Variants in KDM6B observed in about 807,000 individuals in gnomAD.
KDM6B encodes the protein lysine demethylase 6B.
KDM6B carries 22 observed loss-of-function variants against 150.4 expected under a neutral mutation model. The ratio of observed to expected loss-of-function variants is 0.15; its 90% CI spans 0.10 to 0.21. The LOEUF (loss-of-function observed/expected upper bound fraction) is 0.21. Ranked by LOEUF, KDM6B falls within the 10% of genes least tolerant of loss-of-function variation. KDM6B has a pLI of 1.00. For missense variants in KDM6B, 1,984 were observed against 2,234.3 expected, an observed-to-expected ratio of 0.89 and a Z score of 2.26; for synonymous variants, 1,148 against 921.1, an observed-to-expected ratio of 1.25 and a Z score of -4.46.
At position 7,848,926 on chromosome 17, in the gene KDM6B, C is replaced by G. The variant is rs373157695; in HGVS notation, c.2638C>G (p.Arg880Gly). The G allele has an allele frequency of 6.3e-4, 1,002 of 1,600,564 alleles. No homozygotes were observed. Among genetic ancestry groups the G allele is most frequent in the Non-Finnish European group, 7.6e-4 (894 of 1,172,312 alleles). The change falls in exon 12 of 24, where the codon CGG becomes GGG. Residue 880 changes from arginine (R) to glycine (G), a missense_variant. Physicochemically the swap from Arg to Gly is moderately radical, Grantham distance 125. Coordinates refer to ENST00000448097, the MANE Select transcript of KDM6B (RefSeq NM_001348716.2). ...QFSTSGGPWA[R>G]ERRAGEEPVP... ...CTCTACCTCAGGCGGGCCCTGGGCC[C>G]GGGAGCGCAGGGCGGGCGAAGAGCC...
rs574262742 is a variant in KDM6B at position 7,841,991 on chromosome 17, G to A, written c.-269+1967G>A. On this transcript the variant is annotated intron_variant, in intron 2 of 23. Coordinates refer to ENST00000448097, the MANE Select transcript of KDM6B (RefSeq NM_001348716.2). The stretch of plus-strand genomic sequence containing the variant: ...GGAGCGGGTTGCGACGAGGGTCCTG[G>A]ACCGCCCCACCTCGGCGCGCGCGCA... 4.0e-3 allele frequency among the ~76,000 whole-genome samples: 616 copies of A among 152,320 alleles called. 5 individuals carry two copies. The highest frequency in any genetic ancestry group is 0.039 in the South Asian group (190 of 4,830).
At position 7,844,194 on chromosome 17, in the gene KDM6B, G is replaced by A. The variant is rs1287092993; in HGVS notation, c.-268-707G>A. ...TGGGGAACCGCGTGGCCCCGGCGGGGAAGGGCAGAGAGGATACGCGAGCCA... is the reference window on the plus strand; with the variant it reads ...TGGGGAACCGCGTGGCCCCGGCGGGAAAGGGCAGAGAGGATACGCGAGCCA... On this transcript the variant is annotated intron_variant, in intron 2 of 23. Coordinates refer to ENST00000448097, the MANE Select transcript of KDM6B (RefSeq NM_001348716.2). The surrounding 1 kb of genome is among the most constrained non-coding windows in gnomAD (Gnocchi z 5.9). The A allele has an allele frequency of 1.3e-5, 2 of 152,144 alleles. No individual in the cohort carries two copies. Among genetic ancestry groups the A allele is most frequent in the African/African-American group, 4.8e-5 (2 of 41,450 alleles). The allele number at this position is 152,144 out of a possible 1,614,324, so 9.4% of individuals were successfully genotyped here. A position where few individuals can be genotyped will look rare whatever the true frequency, so the allele number is the denominator to read the frequency against.
rs1375778396 is a variant in KDM6B, at chr17:7,847,281, G to A, written c.1086G>A (p.Glu362=). The A allele has an allele frequency of 1.2e-6, 2 of 1,605,358 alleles. No homozygotes were observed. Among genetic ancestry groups the A allele is most frequent in the East Asian group, 4.5e-5 (2 of 44,846 alleles). ...ATRPPGSDLR[E]SRVQRSRMDS... ...GTCCCCCCGGAAGTGACCTTAGAGA[G>A]AGCAGAGTTCAGAGGTCGCGGATGG... The change falls in exon 11 of 24, where the codon GAG becomes GAA. Residue 362 remains glutamate (E), a synonymous_variant. Coordinates refer to ENST00000448097, the MANE Select transcript of KDM6B (RefSeq NM_001348716.2).
At position 7,843,689 on chromosome 17, in the gene KDM6B, G is replaced by A. The variant is rs1385811143; in HGVS notation, c.-268-1212G>A. ...TCGCTCCAGCTGGAGCGCTGGCCCCGCCCCCGCGGCTTTGTACTCGACACT... is the reference window on the plus strand; with the variant it reads ...TCGCTCCAGCTGGAGCGCTGGCCCCACCCCCGCGGCTTTGTACTCGACACT... On this transcript the variant is annotated intron_variant, in intron 2 of 23. Coordinates refer to ENST00000448097, the MANE Select transcript of KDM6B (RefSeq NM_001348716.2). This position sits in a 1 kb window ranked among gnomAD's most constrained non-coding sequence, Gnocchi z 4.5. Among the ~76,000 whole-genome samples the A allele has an allele frequency of 6.6e-6, 1 of 151,996 alleles. No homozygotes were observed.
At chr17:7,846,371 G>GGGGCGGGCCCGGGGCGCCCCC in intron 7 of KDM6B, 29 bp from the exon 8 acceptor site, 1 of 1,488,926 alleles carries the variant, frequency 6.7e-7, no homozygotes, top group Non-Finnish European at 9.2e-7. Context: ...CCTGACATCT[G>GGGGCGGGCCCGGGGCGCCCCC]CCCCTGCCCC....
intron 6 of KDM6B, 36 bp from the exon 7 acceptor site, chr17:7,846,042 A>AACC: frequency 3.8e-5 from 52 of 1,373,088 alleles, no homozygotes; most frequent in Non-Finnish European, 4.8e-5. Flanking sequence ...CTCAAGCCCA[A>AACC]CCCCCACCCA....
Position 7,849,876 on chromosome 17 carries a change from G to C in KDM6B, c.3496G>C (p.Val1166Leu), listed in dbSNP as rs1397110730. 6.2e-7 allele frequency: 1 copy of C among 1,613,332 alleles called. No homozygotes were observed. The highest frequency in any genetic ancestry group is 2.2e-5 in the East Asian group (1 of 44,888). ...GTCCTACCTTTCCCCTGCCCAGTCT[G>C]TGAAACCGAAGATCAACACTGAGGA... ...RESYLSPAQS[V>L]KPKINTEEKL... is the part of the protein sequence containing the mutation. Residue 1166 changes from valine (V) to leucine (L), a missense_variant, in exon 13 of 24, where the codon GTG (valine) becomes CTG (leucine). Physicochemically the swap from Val to Leu is conservative, Grantham distance 32. Transcript: ENST00000448097.
At position 7,845,540 on chromosome 17, in the gene KDM6B, C is replaced by G; in HGVS notation, c.-5-10C>G. The G allele has an allele frequency of 6.2e-7, 1 of 1,614,094 alleles. No individual in the cohort carries two copies. The highest frequency in any genetic ancestry group is 2.2e-5 in the East Asian group (1 of 44,892). On this transcript the variant is annotated splice_polypyrimidine_tract_variant and intron_variant, in intron 4 of 23. Transcript: ENST00000448097. Reference sequence around the variant, plus strand: ...TCCAGTAAGAGCATAATTTCTTATCCCCAACTCAGGCTGGATGCATCGGGC... The same window carrying G: ...TCCAGTAAGAGCATAATTTCTTATCGCCAACTCAGGCTGGATGCATCGGGC...
In KDM6B at chr17:7,836,483, CG is replaced by C. The variant is rs550211144; in HGVS notation, c.-388+2138del. On this transcript the variant is annotated intron_variant, in intron 1 of 23. Coordinates refer to ENST00000448097, the MANE Select transcript of KDM6B (RefSeq NM_001348716.2). ...TTCCGGCTGGCGGCCGGCTGGGGCACGGGGGATCCTGCAGATGGAAGACGGA... is the reference window on the plus strand; with the variant it reads ...TTCCGGCTGGCGGCCGGCTGGGGCACGGGGATCCTGCAGATGGAAGACGGA... 5.9e-5 allele frequency among the ~76,000 whole-genome samples: 9 copies of C among 152,218 alleles called. No individual in the cohort carries two copies. In the South Asian group the frequency reaches 1.9e-3, roughly 32 times the overall value.
At position 7,843,614 on chromosome 17, in the gene KDM6B, C is replaced by A. The variant is rs1230711704; in HGVS notation, c.-268-1287C>A. ...CTCTCAACGAACGCGAACTTTCCAG[C>A]CACCCCCAGCCCCTCGTCGCGCACT... On this transcript the variant is annotated intron_variant, in intron 2 of 23. Coordinates refer to ENST00000448097, the MANE Select transcript of KDM6B (RefSeq NM_001348716.2). The surrounding 1 kb of genome is among the most constrained non-coding windows in gnomAD (Gnocchi z 4.5). Among the ~76,000 whole-genome samples the A allele has an allele frequency of 2.0e-5, 3 of 152,212 alleles. No homozygotes were observed. Among genetic ancestry groups the A allele is most frequent in the Non-Finnish European group, 4.4e-5 (3 of 68,032 alleles).
chr17:7,847,439 C>T lies in KDM6B; in HGVS notation c.1244C>T (p.Pro415Leu), dbSNP rs761595634. The T allele has an allele frequency of 1.7e-5, 27 of 1,613,560 alleles. No homozygotes were observed. Among genetic ancestry groups the T allele is most frequent in the Admixed American group, 5.0e-5 (3 of 59,982 alleles). Residue 415 changes from proline (P) to leucine (L), a missense_variant, in exon 11 of 24, where the codon CCG becomes CTG. Pro to Leu is a moderately conservative substitution (Grantham distance 98, BLOSUM62 -3). Transcript: ENST00000448097. Reference protein sequence around the residue: ...SSNTGLRGVEPNPGIPGADHY... With the variant: ...SSNTGLRGVELNPGIPGADHY... ...AACACTGGTCTCCGGGGCGTGGAGCCGAACCCAGGCATTGTGAGTGACAAC... is the reference window on the plus strand; with the variant it reads ...AACACTGGTCTCCGGGGCGTGGAGCTGAACCCAGGCATTGTGAGTGACAAC...
intron 21 of KDM6B, 21 bp from the exon 22 acceptor site, chr17:7,852,979 C>G: frequency 6.2e-7 from 1 of 1,613,602 alleles, no homozygotes; most frequent in Non-Finnish European, 8.5e-7. Flanking sequence ...GTGGTCTCAA[C>G]ACAACCCCAC....
In KDM6B at chr17:7,847,155, C is replaced by T; in HGVS notation, c.960C>T (p.Tyr320=). Reference sequence around the variant, plus strand: ...CATATCCATACCCAGCTCCAGCGTACACCGCGCACCCCCCTGGCCACCGGC... The same window carrying T: ...CATATCCATACCCAGCTCCAGCGTATACCGCGCACCCCCCTGGCCACCGGC... The part of the protein sequence containing the change: ...PHPYPYPAPA[Y]TAHPPGHRLV... The change falls in exon 11 of 24, where the codon TAC becomes TAT. Residue 320 remains tyrosine (Y), a synonymous_variant. Coordinates refer to ENST00000448097, the MANE Select transcript of KDM6B (RefSeq NM_001348716.2). 6.2e-7 allele frequency: 1 copy of T among 1,607,786 alleles called. No individual in the cohort carries two copies. Among genetic ancestry groups the T allele is most frequent in the Non-Finnish European group, 8.5e-7 (1 of 1,179,882 alleles).
rs976138030 is a variant in KDM6B, at chr17:7,846,965, T to C, written c.858T>C (p.His286=). 4 of 1,516,122 alleles carry C rather than the reference T, an allele frequency of 2.6e-6. No homozygotes were observed. The African/African-American group carries it at 5.8e-5, about 22-fold the overall frequency. 93.9% of individuals were successfully genotyped at this position (1,516,122 alleles called of 1,614,324 possible). The change falls in exon 10 of 24, where the codon CAT becomes CAC. Residue 286 remains histidine (H), a synonymous_variant. Transcript: ENST00000448097. ...AGCCAGGGCTGTGGAGTACCCTGCA[T>C]GGAGATGCCTGGGGCCCAGAGCGCA... The part of the protein sequence containing the change: ...LTKPGLWSTL[H]GDAWGPERKG...
chr17:7,845,909 C>A lies in KDM6B; in HGVS notation c.175C>A (p.Pro59Thr). The A allele has an allele frequency of 6.2e-7, 1 of 1,614,088 alleles. No homozygotes were observed. Among genetic ancestry groups the A allele is most frequent in the Non-Finnish European group, 8.5e-7 (1 of 1,179,918 alleles). The change falls in exon 6 of 24, where the codon CCC (proline) becomes ACC (threonine). Residue 59 changes from proline to threonine, a missense_variant. Coordinates refer to ENST00000448097, the MANE Select transcript of KDM6B (RefSeq NM_001348716.2). ...CATTGGGCAGCCCCCGCTTCCTGCT[C>A]CCCTACCCCCTTCACATGGCAGTAG... ...ASIGQPPLPA[P>T]LPPSHGSSSG...
At chr17:7,841,270 A>G (rs915203209) in intron 2 of KDM6B, among the ~76,000 whole-genome samples, 1 of 152,212 alleles carries the variant, frequency 6.6e-6, no homozygotes, top group Non-Finnish European at 1.5e-5. Flanking sequence ...GAGGATAAGC[A>G]GGGATGTCGA....
In KDM6B at chr17:7,851,806, A is replaced by G. The variant is rs942219592; in HGVS notation, c.4165+10A>G. On this transcript the variant is annotated intron_variant, in intron 18 of 23. Transcript: ENST00000448097. ...GGCAGCCGAACGCCAGGTGCGCTCCACGCCTGTGCGCGCTGATGCTGGAAG... is the reference window on the plus strand; with the variant it reads ...GGCAGCCGAACGCCAGGTGCGCTCCGCGCCTGTGCGCGCTGATGCTGGAAG... The G allele has an allele frequency of 4.5e-6, 7 of 1,555,752 alleles. No individual in the cohort carries two copies. The African/African-American group carries it at 6.8e-5, about 15-fold the overall frequency.
In KDM6B at chr17:7,846,210, TGAG is replaced by T. The variant is rs2078532862; in HGVS notation, c.374_376del (p.Glu125del). The T allele has an allele frequency of 6.2e-7, 1 of 1,614,076 alleles. No individual in the cohort carries two copies. The highest frequency in any genetic ancestry group is 8.5e-7 in the Non-Finnish European group (1 of 1,180,002). ...AACTGTACGAGTCAGAGCACGATAGTGAGGAGGCCACACGCTGCTACCACAGCG... is the reference window on the plus strand; with the variant it reads ...AACTGTACGAGTCAGAGCACGATAGTGAGGCCACACGCTGCTACCACAGCG... On this transcript the variant is annotated inframe_deletion, in exon 7 of 24. Transcript: ENST00000448097.
intron 2 of KDM6B, among the ~76,000 whole-genome samples, chr17:7,841,370 C>T (rs2078411108): frequency 2.0e-5 from 3 of 152,000 alleles, no homozygotes; most frequent in Admixed American, 2.0e-4. Context: ...ACGTCAGGAT[C>T]GAGAGGAGTG....
Sources: allele counts gnomAD v4.1 joint callset (sites outside exome capture counted in the v4.1 genomes callset), GRCh38; gene constraint gnomAD v4.1.1; non-coding constraint Gnocchi (gnomAD v3.1); transcripts MANE v1.5; gene names NCBI Gene and HGNC (gene_info 2026-07-23, HGNC 2026-07-21).